Variants in SORBS2 observed in about 807,000 individuals in gnomAD.
The protein encoded by SORBS2 is sorbin and SH3 domain-containing protein 2.
A neutral mutation model predicts 97.7 loss-of-function variants in SORBS2; 46 were observed. The ratio of observed to expected loss-of-function variants is 0.47; its 90% CI spans 0.37 to 0.60. The LOEUF (loss-of-function observed/expected upper bound fraction) is 0.60, where lower values mean the gene tolerates loss of function less well. Among genes scored for constraint, SORBS2 ranks in the 20% least tolerant of loss-of-function variants. SORBS2 has a pLI of 0.00. For synonymous variants in SORBS2, 476 were observed against 473.4 expected (o/e 1.01, Z -0.07); for missense variants, 1,316 against 1,282.3 (o/e 1.03, Z -0.40).
intron 2 of SORBS2, among the ~76,000 whole-genome samples, chr4:185,728,197 A>G (rs965392684): frequency 2.0e-5 from 3 of 152,138 alleles, no homozygotes; most frequent in African/African-American, 4.8e-5. Context: ...ATGCAAAACC[A>G]GTGACTGTGC....
chr4:185,918,343 G>A (rs1179396816), intron 1 of SORBS2: 1 of 152,160 alleles, frequency 6.6e-6, no homozygotes, highest in Admixed American at 6.5e-5. Flanking sequence ...AGAAAGAAAC[G>A]TTATGTATGA....
At chr4:185,677,476 C>T in intron 4 of SORBS2, 1 of 1,551,938 alleles carries the variant, frequency 6.4e-7, no homozygotes, top group Non-Finnish European at 8.7e-7. Context: ...CTCGAATCTT[C>T]ATTGGAATAC....
At chr4:185,764,446 G>C (rs2098922579) in intron 2 of SORBS2, among the ~76,000 whole-genome samples, 1 of 152,106 alleles carries the variant, frequency 6.6e-6, no homozygotes, top group Non-Finnish European at 1.5e-5. Flanking sequence ...AAACCATCTT[G>C]AATGTAAGTT....
chr4:185,762,597 T>C (rs943414071), intron 2 of SORBS2, among the ~76,000 whole-genome samples: 2 of 152,078 alleles, frequency 1.3e-5, no homozygotes, highest in African/African-American at 4.8e-5. Flanking sequence ...GGGGAACAGA[T>C]TTCATGAAGA....
intron 7 of SORBS2, among the ~76,000 whole-genome samples, chr4:185,622,343 T>C (rs1242552491): frequency 6.6e-6 from 1 of 152,208 alleles, no homozygotes; most frequent in African/African-American, 2.4e-5. Flanking sequence ...AGCTTAAAGA[T>C]ACATTCACAA....
At chr4:185,595,959 T>G (rs2096075862) in intron 12 of SORBS2, among the ~76,000 whole-genome samples, 1 of 152,170 alleles carries the variant, frequency 6.6e-6, no homozygotes, top group Non-Finnish European at 1.5e-5. Context: ...AAAAGTAACT[T>G]GAAAATGTCT....
chr4:185,831,832 T>G (rs533620309), intron 1 of SORBS2, among the ~76,000 whole-genome samples: 1 of 152,202 alleles, frequency 6.6e-6, no homozygotes, highest in African/African-American at 2.4e-5. Context: ...CAAATAGGAC[T>G]GAACTGAGGC....
Position 185,897,307 on chromosome 4 carries a change from C to G in SORBS2, c.-338+58889G>C, listed in dbSNP as rs750268206. Among the ~76,000 whole-genome samples, 278 of 152,200 alleles carry G rather than the reference C, an allele frequency of 1.8e-3. 5 individuals are homozygous for G. Among genetic ancestry groups the G allele is most frequent in the Non-Finnish European group, 5.1e-4 (35 of 68,038 alleles). On this transcript the variant is annotated intron_variant, in intron 1 of 20. Coordinates refer to the SORBS2 transcript ENST00000284776. Reference sequence around the variant, plus strand: ...TCCGATTCCAGAGAGGGCCCCACCCCACACCAGAAGGAAGGAAAGCTGACC... The same window carrying G: ...TCCGATTCCAGAGAGGGCCCCACCCGACACCAGAAGGAAGGAAAGCTGACC...
intron 1 of SORBS2, among the ~76,000 whole-genome samples, chr4:185,913,656 C>T (rs1292833961): frequency 1.3e-5 from 2 of 152,088 alleles, no homozygotes; most frequent in East Asian, 3.9e-4. Flanking sequence ...TTATTGTTAG[C>T]AAGACAGGAG....
At chr4:185,802,950 A>G (rs1561126426) in intron 1 of SORBS2, among the ~76,000 whole-genome samples, 1 of 152,198 alleles carries the variant, frequency 6.6e-6, no homozygotes, top group African/African-American at 2.4e-5. Flanking sequence ...GTGCATGCAG[A>G]TTTCTCCAAT....
intron 2 of SORBS2, among the ~76,000 whole-genome samples, chr4:185,719,646 C>A (rs1025384882): frequency 5.9e-5 from 9 of 152,160 alleles, no homozygotes; most frequent in Admixed American, 5.9e-4. Context: ...AGTTTTTAGC[C>A]GCAAATGAGT....
intron 1 of SORBS2, among the ~76,000 whole-genome samples, chr4:185,902,245 C>T (rs1018283466): frequency 1.3e-5 from 2 of 151,946 alleles, no homozygotes; most frequent in African/African-American, 4.8e-5. Flanking sequence ...GTTTCTGAGT[C>T]CTACTTTTAA....
rs143546697 is a variant in SORBS2 at position 185,685,822 on chromosome 4, C to T, written c.-197-7000G>A. On this transcript the variant is annotated intron_variant, in intron 2 of 20. Coordinates refer to the SORBS2 transcript ENST00000284776. ...CCACCGCACCTGGCCTCATTTATTGCTTTTATACTTTTAACAATATGTGTA... is the reference window on the plus strand; with the variant it reads ...CCACCGCACCTGGCCTCATTTATTGTTTTTATACTTTTAACAATATGTGTA... Among the ~76,000 whole-genome samples, 934 of 152,298 alleles carry T rather than the reference C, an allele frequency of 6.1e-3. 5 individuals are homozygous for T. Among genetic ancestry groups the T allele is most frequent in the Middle Eastern group, 0.044 (13 of 294 alleles).
chr4:185,715,917 AT>A (rs750131167), intron 2 of SORBS2, among the ~76,000 whole-genome samples: 18 of 152,252 alleles, frequency 1.2e-4, no homozygotes, highest in Non-Finnish European at 2.2e-4. Context: ...CTTAACAGTC[AT>A]GCCCACTGTG....
At chr4:185,805,009 TTTATTTTA>T (rs2099147037) in intron 1 of SORBS2, among the ~76,000 whole-genome samples, 3 of 152,100 alleles carry the variant, frequency 2.0e-5, no homozygotes, top group African/African-American at 7.2e-5. Context: ...CTTATTCTTT[TTTATTTTA>T]CAAAAGAAAA....
At chr4:185,723,374 G>C (rs1369077717) in intron 2 of SORBS2, among the ~76,000 whole-genome samples, 2 of 152,208 alleles carry the variant, frequency 1.3e-5, no homozygotes, top group African/African-American at 4.8e-5. Context: ...CTTGCATCAT[G>C]GATCATATAG....
intron 2 of SORBS2, 141 bp from the exon 6 acceptor site, chr4:185,678,963 A>C: frequency 2.2e-6 from 1 of 448,862 alleles, no homozygotes; most frequent in Non-Finnish European, 3.9e-6. Flanking sequence ...CAAACATGCC[A>C]AAGGGAGGCT....
chr4:185,606,127 G>A lies in SORBS2; in HGVS notation c.2796+5653C>T, dbSNP rs2153392160. ...AAAGTGCCGTTATGTCAAAGGTATG[G>A]TGTACAGTTTCTCATCCTGGAATAG... On this transcript the variant is annotated intron_variant, in intron 12 of 14. Transcript: ENST00000418609. This position sits in a 1 kb window ranked among gnomAD's most constrained non-coding sequence, Gnocchi z 4.3. 1.0e-6 allele frequency: 1 copy of A among 985,328 alleles called. No homozygotes were observed. Among genetic ancestry groups the A allele is most frequent in the East Asian group, 1.1e-4 (1 of 8,818 alleles). The allele number at this position is 985,328 out of a possible 1,614,324, so 61.0% of individuals were successfully genotyped here.
At chr4:185,596,775 T>C (rs2096108414) in intron 12 of SORBS2, among the ~76,000 whole-genome samples, 1 of 152,008 alleles carries the variant, frequency 6.6e-6, no homozygotes, top group East Asian at 1.9e-4. Context: ...CCTTGTGATC[T>C]TCCCGCCTTG....
Sources: allele counts gnomAD v4.1 joint callset (sites outside exome capture counted in the v4.1 genomes callset), GRCh38; gene constraint gnomAD v4.1.1; non-coding constraint Gnocchi (gnomAD v3.1); transcripts MANE v1.5; gene names NCBI Gene and HGNC (gene_info 2026-07-23, HGNC 2026-07-21).